Variants in CAST observed in about 807,000 individuals in gnomAD.
CAST encodes the protein calpastatin.
In CAST, 76 loss-of-function variants were observed where a neutral mutation model predicts 119.6. That is an observed-to-expected ratio of 0.64 (90% CI 0.53 to 0.77). The LOEUF (loss-of-function observed/expected upper bound fraction) is 0.77, where lower values mean the gene tolerates loss of function less well. Ranked by LOEUF, CAST falls within the 30% of genes least tolerant of loss-of-function variation. The pLI is 0.00. For synonymous variants in CAST, 319 were observed against 331.6 expected (o/e 0.96, Z 0.41); for missense variants, 953 against 946.5 (o/e 1.01, Z -0.09).
the CAST span, among the ~76,000 whole-genome samples, chr5:96,179,764 C>T: frequency 7.9e-5 from 12 of 152,252 alleles, no homozygotes; most frequent in Admixed American, 3.9e-4. Flanking sequence ...AGGCCGGGCG[C>T]GGTGGCTCAC....
At chr5:96,156,775 T>C in the CAST span, among the ~76,000 whole-genome samples, 1 of 152,196 alleles carries the variant, frequency 6.6e-6, no homozygotes, top group Non-Finnish European at 1.5e-5. Context: ...ATTATGCCAT[T>C]TGATGAATTG....
At chr5:96,518,226 G>A in the CAST span, among the ~76,000 whole-genome samples, 26 of 152,324 alleles carry the variant, frequency 1.7e-4, 1 homozygote, top group African/African-American at 6.3e-4. Context: ...ACACATTTTA[G>A]CTAGTATTTA....
chr5:96,073,988 AT>A, the CAST span, among the ~76,000 whole-genome samples: 1 of 152,124 alleles, frequency 6.6e-6, no homozygotes, highest in East Asian at 1.9e-4. Context: ...CTGTGAAACT[AT>A]TCATCAAGGT....
the CAST span, chr5:96,079,007 A>G: frequency 2.5e-6 from 1 of 406,672 alleles, no homozygotes; most frequent in African/African-American, 2.1e-5. Flanking sequence ...TACCTGGGTG[A>G]TGAAATAATC....
the CAST span, among the ~76,000 whole-genome samples, chr5:96,485,168 T>C: frequency 6.6e-6 from 1 of 152,174 alleles, no homozygotes; most frequent in Non-Finnish European, 1.5e-5. Flanking sequence ...GGATAGGCCA[T>C]GGCCCCACTA....
At chr5:96,582,877 G>T (rs1427480829) in intron 1 of CAST, among the ~76,000 whole-genome samples, 1 of 152,130 alleles carries the variant, frequency 6.6e-6, no homozygotes, top group African/African-American at 2.4e-5. Flanking sequence ...AAAAGAATGT[G>T]AATGTCAATG....
the CAST span, among the ~76,000 whole-genome samples, chr5:96,057,049 T>G: frequency 0.032 from 4,836 of 152,276 alleles, 270 homozygotes; most frequent in African/African-American, 0.11. Context: ...AACTTTTATG[T>G]ACAGAAAAAA....
chr5:96,610,574 C>T (rs1300708800), intron 1 of CAST, among the ~76,000 whole-genome samples: 1 of 152,098 alleles, frequency 6.6e-6, no homozygotes, highest in Non-Finnish European at 1.5e-5. Flanking sequence ...ACTGAATGGA[C>T]CAAAGTTGAA....
chr5:96,736,222 G>A lies in CAST; in HGVS notation c.681G>A (p.Pro227=), dbSNP rs373067588. 4.0e-5 allele frequency: 64 copies of A among 1,610,768 alleles called. No homozygotes were observed. The highest frequency in any genetic ancestry group is 5.4e-5 in the African/African-American group (4 of 74,726). Residue 227 remains proline, a synonymous_variant, in exon 10 of 32, where the codon CCG becomes CCA. Coordinates refer to ENST00000675179, the MANE Select transcript of CAST (RefSeq NM_001750.7). ...LTPAVPVESK[P]DKPSGKSGMD... is the part of the protein sequence containing the mutation. Reference sequence around the variant, plus strand: ...CAGCTGTGCCAGTTGAATCTAAACCGGATAAACCATCGGGAAAGGTATGAA... The same window carrying A: ...CAGCTGTGCCAGTTGAATCTAAACCAGATAAACCATCGGGAAAGGTATGAA...
At chr5:96,486,499 T>A in the CAST span, among the ~76,000 whole-genome samples, 7 of 152,286 alleles carry the variant, frequency 4.6e-5, no homozygotes, top group Non-Finnish European at 1.5e-5. Context: ...AAACCCTGCA[T>A]GAGCCTAGAT....
the CAST span, among the ~76,000 whole-genome samples, chr5:96,221,892 A>G: frequency 2.0e-5 from 3 of 152,190 alleles, no homozygotes; most frequent in South Asian, 2.1e-4. Context: ...ACAGCATCGT[A>G]TTGGTATAAA....
intron 1 of CAST, among the ~76,000 whole-genome samples, chr5:96,672,703 T>C (rs1750244226): frequency 1.2e-5 from 1 of 81,564 alleles, no homozygotes; most frequent in Non-Finnish European, 2.0e-5. Context: ...TGAGACTCAG[T>C]CTCAAAAAAA....
chr5:96,465,342 G>T, the CAST span, among the ~76,000 whole-genome samples: 1 of 151,986 alleles, frequency 6.6e-6, no homozygotes, highest in Non-Finnish European at 1.5e-5. Context: ...AACCATACAT[G>T]TACAAATAAT....
At chr5:96,125,926 A>G in the CAST span, among the ~76,000 whole-genome samples, 1 of 152,128 alleles carries the variant, frequency 6.6e-6, no homozygotes, top group East Asian at 1.9e-4. Context: ...ACTAGGAGAA[A>G]ACAGACTTTA....
At chr5:96,557,504 T>G (rs920190656) in intron 1 of CAST, among the ~76,000 whole-genome samples, 9 of 151,770 alleles carry the variant, frequency 5.9e-5, no homozygotes, top group African/African-American at 2.2e-4. Context: ...AATAAAGGGA[T>G]GGAGAAAGAT....
intron 1 of CAST, among the ~76,000 whole-genome samples, chr5:96,620,843 G>T (rs1314381889): frequency 6.6e-6 from 1 of 152,158 alleles, no homozygotes; most frequent in Non-Finnish European, 1.5e-5. Flanking sequence ...AAGAAAAAGC[G>T]GAAACGGTAT....
chr5:96,343,206 T>C, the CAST span, among the ~76,000 whole-genome samples: 1 of 152,136 alleles, frequency 6.6e-6, no homozygotes, highest in Non-Finnish European at 1.5e-5. Context: ...TAAAAATTCT[T>C]TTAGGGGGTA....
the CAST span, among the ~76,000 whole-genome samples, chr5:96,487,064 G>A: frequency 4.0e-5 from 6 of 151,394 alleles, no homozygotes; most frequent in Non-Finnish European, 5.9e-5. Context: ...AGTATGTGAG[G>A]GCGCTTTTGG....
chr5:96,211,296 T>C, the CAST span, among the ~76,000 whole-genome samples: 17 of 152,146 alleles, frequency 1.1e-4, 1 homozygote, highest in African/African-American at 4.1e-4. Context: ...ATAGTGGCTT[T>C]AACCAGTTGA....
Sources: gnomAD v4.1 joint callset for allele counts (sites outside exome capture counted in the v4.1 genomes callset) on GRCh38, gnomAD v4.1.1 for gene constraint, MANE v1.5 for transcripts, NCBI Gene and HGNC (gene_info 2026-07-23, HGNC 2026-07-21) for gene names.